CSMD1: variants seen among roughly 807,000 people sequenced by gnomAD.
The protein encoded by CSMD1 is CUB and sushi domain-containing protein 1.
A neutral mutation model predicts 417.5 loss-of-function variants in CSMD1; 213 were observed. The observed-to-expected ratio is 0.51, with a 90% CI of 0.46 to 0.57. The LOEUF (loss-of-function observed/expected upper bound fraction) is 0.57, where lower values mean the gene tolerates loss of function less well. CSMD1 is among the 20% of genes least tolerant of loss of function. The pLI is 0.00. For missense variants in CSMD1, 6,923 were observed against 4,529.7 expected, an observed-to-expected ratio of 1.53 and a Z score of -15.17; for synonymous variants, 2,862 against 1,736.8, an observed-to-expected ratio of 1.65 and a Z score of -16.11.
At chr8:4,663,014 T>C (rs1804697417) in intron 1 of CSMD1, among the ~76,000 whole-genome samples, 1 of 152,242 alleles carries the variant, frequency 6.6e-6, no homozygotes. Flanking sequence ...TTTGTTTTGA[T>C]TTCCCTGAAA....
intron 1 of CSMD1, among the ~76,000 whole-genome samples, chr8:4,895,050 G>C (rs139385925): frequency 4.6e-5 from 7 of 152,090 alleles, no homozygotes; most frequent in African/African-American, 7.2e-5. Flanking sequence ...AAGAATATCT[G>C]TTTTGTTTCT....
chr8:4,885,986 T>C (rs1803711858), intron 1 of CSMD1, among the ~76,000 whole-genome samples: 1 of 122,650 alleles, frequency 8.2e-6, no homozygotes, highest in Non-Finnish European at 1.9e-5. Context: ...TATTTACTTA[T>C]TTACTTATTT....
intron 26 of CSMD1, among the ~76,000 whole-genome samples, chr8:3,257,977 A>C (rs1253191088): frequency 1.3e-5 from 2 of 152,180 alleles, no homozygotes; most frequent in Non-Finnish European, 2.9e-5. Flanking sequence ...CCGTGAGACC[A>C]GGTGGAAGGC....
rs140297092 is a variant in CSMD1, at chr8:4,029,813, A to G, written c.610+2092T>C. Among the ~76,000 whole-genome samples, 131 of 152,314 alleles carry G rather than the reference A, an allele frequency of 8.6e-4. 1 individual carries two copies. Among genetic ancestry groups the G allele is most frequent in the African/African-American group, 3.1e-3 (129 of 41,570 alleles). ...TATCTTCCTCTTATGAACCTGTATA[A>G]TAAAATACAAGCTAGTTACTTCCTA... On this transcript the variant is annotated intron_variant, in intron 4 of 69. Coordinates refer to ENST00000635120, the MANE Select transcript of CSMD1 (RefSeq NM_033225.6).
chr8:4,020,579 G>A (rs1277712013), intron 4 of CSMD1, among the ~76,000 whole-genome samples: 1 of 152,130 alleles, frequency 6.6e-6, no homozygotes. Flanking sequence ...GTCTGAGAAA[G>A]GCCTCCAATT....
At chr8:4,312,832 C>A in intron 3 of CSMD1, among the ~76,000 whole-genome samples, 1 of 152,010 alleles carries the variant, frequency 6.6e-6, no homozygotes, top group Non-Finnish European at 1.5e-5. Context: ...TGAGATCGCG[C>A]CAGGCAAGGC....
chr8:3,774,055 T>C (rs1188621804), intron 5 of CSMD1, among the ~76,000 whole-genome samples: 3 of 152,178 alleles, frequency 2.0e-5, no homozygotes, highest in African/African-American at 4.8e-5. Context: ...GCTTTTGCTA[T>C]TTTCCTAAAA....
intron 8 of CSMD1, among the ~76,000 whole-genome samples, chr8:3,594,514 A>G (rs1801002639): frequency 1.3e-5 from 2 of 152,164 alleles, no homozygotes; most frequent in African/African-American, 4.8e-5. Flanking sequence ...ATTGCATATA[A>G]CTTGGTTTGT....
intron 1 of CSMD1, among the ~76,000 whole-genome samples, chr8:4,863,711 A>G (rs1334663060): frequency 6.6e-6 from 1 of 152,062 alleles, no homozygotes; most frequent in Non-Finnish European, 1.5e-5. Flanking sequence ...CAACAATAAA[A>G]GACTTATCCT....
At chr8:3,825,584 A>AC (rs1384090242) in intron 5 of CSMD1, among the ~76,000 whole-genome samples, 18 of 118,894 alleles carry the variant, frequency 1.5e-4, no homozygotes, top group Admixed American at 1.2e-3. Context: ...TACCTAGAAG[A>AC]GTGGGGGAAG....
intron 7 of CSMD1, among the ~76,000 whole-genome samples, chr8:3,645,115 G>C (rs13269536): frequency 0.34 from 51,583 of 151,902 alleles, 9,049 homozygotes; most frequent in Middle Eastern, 0.43. Context: ...AGCCTGCTAA[G>C]GCCATGTTCA....
chr8:3,324,071 C>CCCAA (rs371433297), intron 23 of CSMD1, among the ~76,000 whole-genome samples: 1 of 133,644 alleles, frequency 7.5e-6, no homozygotes, highest in South Asian at 2.7e-4. Flanking sequence ...TAGACACACA[C>CCCAA]CCAACCCCAG....
intron 59 of CSMD1, 100 bp from the exon 60 acceptor site, chr8:2,963,495 C>T (rs997634833): frequency 8.4e-6 from 10 of 1,185,162 alleles, no homozygotes; most frequent in Non-Finnish European, 1.1e-5. Context: ...TTACAAATGA[C>T]ATCTACATAG....
intron 7 of CSMD1, among the ~76,000 whole-genome samples, chr8:3,701,185 G>A (rs1361966837): frequency 6.6e-6 from 1 of 152,078 alleles, no homozygotes; most frequent in Middle Eastern, 3.2e-3. Flanking sequence ...CCCGTGGATA[G>A]GAAGTTCTGG....
At chr8:3,015,248 G>A (rs1808737254) in intron 52 of CSMD1, among the ~76,000 whole-genome samples, 2 of 152,092 alleles carry the variant, frequency 1.3e-5, no homozygotes, top group South Asian at 4.1e-4. Context: ...TGTCCCTCCG[G>A]ACACTCTCTT....
At chr8:4,126,949 G>A (rs1477173635) in intron 3 of CSMD1, among the ~76,000 whole-genome samples, 2 of 151,978 alleles carry the variant, frequency 1.3e-5, no homozygotes, top group Admixed American at 1.3e-4. Context: ...AGACCCTGCA[G>A]GTGAGGACCT....
intron 10 of CSMD1, among the ~76,000 whole-genome samples, chr8:3,495,290 C>T (rs897632527): frequency 2.6e-5 from 4 of 152,130 alleles, no homozygotes; most frequent in Non-Finnish European, 5.9e-5. Flanking sequence ...ATCACTGAGA[C>T]CTGCTGGTTT....
chr8:3,091,344 T>C (rs189969180), intron 48 of CSMD1, among the ~76,000 whole-genome samples, 172 bp downstream of exon 48: 1 of 152,320 alleles, frequency 6.6e-6, no homozygotes, highest in East Asian at 1.9e-4. Context: ...TTTCCTAATG[T>C]AGTTTAGAGG....
chr8:3,786,601 TC>T (rs1799469434), intron 5 of CSMD1, among the ~76,000 whole-genome samples: 1 of 152,128 alleles, frequency 6.6e-6, no homozygotes, highest in African/African-American at 2.4e-5. Context: ...GCTGTTGGGC[TC>T]TCTCAGCAAA....
Sources: gnomAD v4.1 joint callset for allele counts (sites outside exome capture counted in the v4.1 genomes callset) on GRCh38, gnomAD v4.1.1 for gene constraint, MANE v1.5 for transcripts, NCBI Gene and HGNC (gene_info 2026-07-23, HGNC 2026-07-21) for gene names.